Variants in CEP112 observed in about 807,000 individuals in gnomAD.
CEP112 encodes centrosomal protein 112.
A neutral mutation model predicts 153.0 loss-of-function variants in CEP112; 127 were observed. The observed-to-expected ratio is 0.83, with a 90% CI of 0.72 to 0.96. The LOEUF (loss-of-function observed/expected upper bound fraction) is 0.96. CEP112 is among the 40% of genes least tolerant of loss of function. The probability of loss-of-function intolerance (pLI) is 0.00; values close to 1 mark genes in which losing one functional copy is unlikely to be tolerated. For missense variants in CEP112, 1,089 were observed against 1,101.2 expected, an observed-to-expected ratio of 0.99 and a Z score of 0.16; for synonymous variants, 358 against 374.4, an observed-to-expected ratio of 0.96 and a Z score of 0.51.
intron 24 of CEP112, among the ~76,000 whole-genome samples, chr17:65,665,891 C>T (rs1307063627): frequency 3.3e-5 from 5 of 152,124 alleles, no homozygotes; most frequent in African/African-American, 1.2e-4. Flanking sequence ...TAGTAAGGGC[C>T]ACTCGATTTA....
At position 66,029,317 on chromosome 17, in the gene CEP112, T is replaced by TAAATCA. The variant is rs1555775115; in HGVS notation, c.1374-66_1374-65insTGATTT. ...AAACCAATCTCTAAAATGAAATTTT[T>TAAATCA]TAATCAGCTAAATCCAAATACATTT... On this transcript the variant is annotated intron_variant, in intron 13 of 26. Coordinates refer to ENST00000535342, the MANE Select transcript of CEP112 (RefSeq NM_001199165.4). 6.8e-6 allele frequency: 9 copies of TAAATCA among 1,332,904 alleles called. No individual in the cohort carries two copies. In the East Asian group the frequency reaches 7.2e-5, roughly 11 times the overall value. 82.6% of individuals were successfully genotyped at this position (1,332,904 alleles called of 1,614,324 possible).
At chr17:65,970,402 ACACAT>A (rs2062660621) in intron 17 of CEP112, among the ~76,000 whole-genome samples, 1 of 124,050 alleles carries the variant, frequency 8.1e-6, no homozygotes, top group Non-Finnish European at 1.7e-5. Context: ...ACATGCATGC[ACACAT>A]CATGCATGTA....
chr17:65,751,788 C>T (rs1423738430), intron 21 of CEP112, among the ~76,000 whole-genome samples: 1 of 152,098 alleles, frequency 6.6e-6, no homozygotes, highest in Non-Finnish European at 1.5e-5. Flanking sequence ...CATTAACATC[C>T]CTCTTTTTAC....
intron 19 of CEP112, among the ~76,000 whole-genome samples, chr17:65,925,517 C>CT (rs2060892204): frequency 6.6e-6 from 1 of 152,162 alleles, no homozygotes; most frequent in African/African-American, 2.4e-5. Context: ...ACTACATTTC[C>CT]TTTTCTACTG....
intron 23 of CEP112, among the ~76,000 whole-genome samples, chr17:65,698,319 C>T (rs759728202): frequency 5.3e-5 from 8 of 152,162 alleles, no homozygotes; most frequent in Admixed American, 6.6e-5. Flanking sequence ...ACTGTGGCCA[C>T]TATATAAAGC....
At chr17:65,839,185 G>A (rs2057427517) in intron 21 of CEP112, among the ~76,000 whole-genome samples, 1 of 151,532 alleles carries the variant, frequency 6.6e-6, no homozygotes. Context: ...AACCCGACAA[G>A]GACACACACA....
intron 18 of CEP112, among the ~76,000 whole-genome samples, chr17:65,942,020 C>T (rs2061520305): frequency 6.6e-6 from 1 of 152,084 alleles, no homozygotes; most frequent in Admixed American, 6.5e-5. Flanking sequence ...AAGAGAAAGC[C>T]CACGTATCCA....
rs138605549 is a variant in CEP112 at position 66,125,321 on chromosome 17, A to C, written c.642+4425T>G. ...CAAATGAGAAGCCTAAAATATCAGA[A>C]TTTTCAGCTCAGTTTCTCTCCCAGA... On this transcript the variant is annotated intron_variant, in intron 6 of 26. Transcript: ENST00000535342. Among the ~76,000 whole-genome samples, 199 of 152,290 alleles carry C rather than the reference A, an allele frequency of 1.3e-3. 2 individuals are homozygous for C. Among genetic ancestry groups the C allele is most frequent in the African/African-American group, 4.5e-3 (189 of 41,574 alleles).
intron 21 of CEP112, among the ~76,000 whole-genome samples, chr17:65,813,834 T>C (rs1188509815): frequency 1.3e-5 from 2 of 152,224 alleles, no homozygotes; most frequent in African/African-American, 4.8e-5. Flanking sequence ...GAATTAAGAA[T>C]CTGTGTTGTA....
intron 21 of CEP112, among the ~76,000 whole-genome samples, chr17:65,754,601 T>C (rs985261144): frequency 2.0e-5 from 3 of 151,646 alleles, no homozygotes; most frequent in Non-Finnish European, 4.4e-5. Flanking sequence ...CAAGCTTCTG[T>C]CGCAAAAAAT....
chr17:66,027,382 A>AT, intron 16 of CEP112, 119 bp downstream of exon 16: 2 of 1,010,114 alleles, frequency 2.0e-6, no homozygotes, highest in Non-Finnish European at 2.6e-6. Context: ...GTCTAAAAAA[A>AT]AAGACAAAGA....
intron 21 of CEP112, among the ~76,000 whole-genome samples, chr17:65,797,459 T>A (rs181987124): frequency 6.6e-6 from 1 of 152,356 alleles, no homozygotes; most frequent in East Asian, 1.9e-4. Flanking sequence ...AGGATAAAGA[T>A]ACCTGCTGAT....
chr17:65,749,757 T>C (rs1026089108), intron 22 of CEP112, among the ~76,000 whole-genome samples: 1 of 152,244 alleles, frequency 6.6e-6, no homozygotes, highest in Non-Finnish European at 1.5e-5. Flanking sequence ...TAGTGCCCCA[T>C]GAACATTAGA....
intron 4 of CEP112, among the ~76,000 whole-genome samples, chr17:66,150,080 T>TA (rs1035553929): frequency 3.4e-5 from 5 of 145,384 alleles, no homozygotes; most frequent in African/African-American, 1.3e-4. Flanking sequence ...TTTTTTTTTT[T>TA]AAGTAGAGAC....
At chr17:65,979,795 T>A (rs1193514730) in intron 17 of CEP112, among the ~76,000 whole-genome samples, 2 of 152,060 alleles carry the variant, frequency 1.3e-5, no homozygotes, top group Non-Finnish European at 2.9e-5. Context: ...AAACATATAG[T>A]CACATCATAG....
intron 5 of CEP112, among the ~76,000 whole-genome samples, chr17:66,131,055 C>T (rs560612578): frequency 7.9e-5 from 12 of 152,138 alleles, no homozygotes; most frequent in Non-Finnish European, 1.3e-4. Flanking sequence ...ACAGCATTCT[C>T]ATGCTTTTAG....
intron 21 of CEP112, among the ~76,000 whole-genome samples, chr17:65,802,171 T>C (rs929223086): frequency 6.6e-6 from 1 of 152,194 alleles, no homozygotes; most frequent in Non-Finnish European, 1.5e-5. Context: ...GAGGTTTCTT[T>C]AAATGCCTGC....
At chr17:65,759,729 C>A (rs2052497857) in intron 21 of CEP112, among the ~76,000 whole-genome samples, 1 of 152,090 alleles carries the variant, frequency 6.6e-6, no homozygotes, top group Non-Finnish European at 1.5e-5. Flanking sequence ...AGAAGGGAAA[C>A]AAATGAGGTA....
At chr17:65,970,219 ATAC>A (rs1568312778) in intron 17 of CEP112, among the ~76,000 whole-genome samples, 6 of 149,640 alleles carry the variant, frequency 4.0e-5, no homozygotes, top group Non-Finnish European at 7.4e-5. Context: ...ATGCATGCAT[ATAC>A]CATGCATATA....
Sources: allele counts gnomAD v4.1 joint callset (sites outside exome capture counted in the v4.1 genomes callset), GRCh38; gene constraint gnomAD v4.1.1; transcripts MANE v1.5; gene names NCBI Gene and HGNC (gene_info 2026-07-23, HGNC 2026-07-21).